The following GALNT1 variants were observed in gnomAD, a reference collection of about 807,000 sequenced individuals.
The protein encoded by GALNT1 is polypeptide N-acetylgalactosaminyltransferase 1.
GALNT1 carries 17 observed loss-of-function variants against 65.7 expected under a neutral mutation model. The ratio of observed to expected loss-of-function variants is 0.26; its 90% confidence interval spans 0.18 to 0.39. GALNT1 has a LOEUF of 0.39. GALNT1 is among the 10% of genes least tolerant of loss of function. GALNT1 has a pLI of 1.00. For missense variants in GALNT1, 460 were observed against 672.8 expected (o/e 0.68, Z 3.50); for synonymous variants, 210 against 219.7 (o/e 0.96, Z 0.39).
intron 1 of GALNT1, among the ~76,000 whole-genome samples, chr18:35,645,632 C>T (rs1012071391): frequency 1.3e-5 from 2 of 152,114 alleles, no homozygotes; most frequent in African/African-American, 2.4e-5. Context: ...CAATAATTAG[C>T]TCTAATGGTT....
intron 1 of GALNT1, among the ~76,000 whole-genome samples, chr18:35,628,086 G>A (rs2046944186): frequency 6.6e-6 from 1 of 152,200 alleles, no homozygotes; most frequent in African/African-American, 2.4e-5. Flanking sequence ...CGAACTGGGT[G>A]GAACCCACCG....
chr18:35,709,417 G>A (rs970300213), intron 11 of GALNT1, among the ~76,000 whole-genome samples: 4 of 148,136 alleles, frequency 2.7e-5, no homozygotes, highest in African/African-American at 5.0e-5. Flanking sequence ...CCTCTTTATC[G>A]ACCTACATAT....
intron 3 of GALNT1, chr18:35,664,316 T>C (rs994426874): frequency 3.3e-5 from 5 of 152,126 alleles, no homozygotes; most frequent in Admixed American, 6.5e-5. Flanking sequence ...TAGTTTTGTC[T>C]CTTTTTGAAC....
chr18:35,597,957 A>G (rs1388157835), intron 1 of GALNT1, among the ~76,000 whole-genome samples: 1 of 147,310 alleles, frequency 6.8e-6, no homozygotes, highest in African/African-American at 2.5e-5. Flanking sequence ...TAGTCACCTG[A>G]CTATACTATT....
intron 2 of GALNT1, among the ~76,000 whole-genome samples, chr18:35,661,539 A>G (rs189266314): frequency 9.0e-4 from 137 of 152,032 alleles, no homozygotes; most frequent in Non-Finnish European, 1.5e-3. Context: ...ACTCTCATGT[A>G]TCCATCATCT....
chr18:35,677,661 TGGA>T lies in GALNT1; in HGVS notation c.387_389del (p.Trp129_Ser130delinsCys). On this transcript the variant is annotated inframe_deletion, in exon 4 of 12. Transcript: ENST00000269195. ...GGTGATTGTTTTCCACAATGAGGCT[TGGA>T]GCACACTTCTGCGAACTGTCCATAG... The T allele has an allele frequency of 6.2e-7, 1 of 1,613,466 alleles. No homozygotes were observed.
chr18:35,686,828 T>A (rs1802660252), intron 5 of GALNT1, among the ~76,000 whole-genome samples, 188 bp from the exon 6 acceptor site: 1 of 152,102 alleles, frequency 6.6e-6, no homozygotes. Context: ...GAAGATCACT[T>A]GAGGAGGTCG....
intron 2 of GALNT1, among the ~76,000 whole-genome samples, chr18:35,662,961 A>G (rs750180790): frequency 1.3e-5 from 2 of 152,192 alleles, no homozygotes; most frequent in South Asian, 2.1e-4. Context: ...AGGTTTGACA[A>G]TCATTATAAT....
At chr18:35,673,451 T>C (rs914173658) in intron 3 of GALNT1, among the ~76,000 whole-genome samples, 4 of 152,272 alleles carry the variant, frequency 2.6e-5, no homozygotes, top group Admixed American at 2.0e-4. Context: ...AGCCTCAGTT[T>C]CCTCATCTGT....
intron 2 of GALNT1, among the ~76,000 whole-genome samples, chr18:35,661,400 G>A (rs1356812364): frequency 6.6e-6 from 1 of 151,888 alleles, no homozygotes; most frequent in Middle Eastern, 3.2e-3. Context: ...TGGAGAGGCT[G>A]AGACAGGACA....
intron 4 of GALNT1, among the ~76,000 whole-genome samples, chr18:35,680,681 A>G (rs1219948348): frequency 2.0e-5 from 3 of 152,170 alleles, no homozygotes; most frequent in African/African-American, 7.2e-5. Flanking sequence ...GAGTAACTCT[A>G]TTTATTAAAG....
chr18:35,701,293 C>G, intron 9 of GALNT1, among the ~76,000 whole-genome samples: 1 of 152,126 alleles, frequency 6.6e-6, no homozygotes. Context: ...GTCTTGAACT[C>G]CTAGGCTCAG....
intron 5 of GALNT1, among the ~76,000 whole-genome samples, chr18:35,684,688 A>G (rs1274954636): frequency 6.6e-6 from 1 of 152,202 alleles, no homozygotes; most frequent in Non-Finnish European, 1.5e-5. Context: ...AGACAAAACA[A>G]ATTTTAAATG....
At chr18:35,685,319 C>T (rs115191291) in intron 5 of GALNT1, among the ~76,000 whole-genome samples, 111 of 152,168 alleles carry the variant, frequency 7.3e-4, no homozygotes, top group African/African-American at 2.4e-3. Flanking sequence ...TAATACATCC[C>T]ATTAATGTAT....
intron 1 of GALNT1, among the ~76,000 whole-genome samples, chr18:35,615,683 A>G (rs1364333890): frequency 1.3e-5 from 2 of 152,244 alleles, no homozygotes; most frequent in African/African-American, 2.4e-5. Flanking sequence ...TCAGTAATGC[A>G]CACACCCATA....
At chr18:35,695,555 G>C (rs1180438585) in intron 9 of GALNT1, among the ~76,000 whole-genome samples, 1 of 152,170 alleles carries the variant, frequency 6.6e-6, no homozygotes, top group East Asian at 1.9e-4. Context: ...CCAGATGGTG[G>C]AGAGTTGGTG....
chr18:35,630,075 G>A (rs963640911), intron 1 of GALNT1, among the ~76,000 whole-genome samples: 3 of 152,138 alleles, frequency 2.0e-5, no homozygotes, highest in African/African-American at 7.2e-5. Context: ...GACCTACAAA[G>A]AGACTTAGAC....
At position 35,709,867 on chromosome 18, in the gene GALNT1, C is replaced by T. The variant is rs577554853; in HGVS notation, c.*97C>T. On this transcript the variant is annotated 3_prime_UTR_variant, in exon 12 of 12. Coordinates refer to ENST00000269195, the MANE Select transcript of GALNT1 (RefSeq NM_020474.4). Reference sequence around the variant, plus strand: ...CTTAAGTAGCAAAAAAGGAAAAGTGCTTTCCTCCTCTGCAGGATGTAAGGT... The same window carrying T: ...CTTAAGTAGCAAAAAAGGAAAAGTGTTTTCCTCCTCTGCAGGATGTAAGGT... 1.2e-5 allele frequency: 16 copies of T among 1,342,144 alleles called. No individual in the cohort carries two copies. The African/African-American group carries it at 2.2e-4, about 18-fold the overall frequency. The allele number at this position is 1,342,144 out of a possible 1,614,324, so 83.1% of individuals were successfully genotyped here. A position where few individuals can be genotyped will look rare whatever the true frequency, so the allele number is the denominator to read the frequency against.
chr18:35,643,197 G>T (rs1396100175), intron 1 of GALNT1, among the ~76,000 whole-genome samples: 2 of 152,084 alleles, frequency 1.3e-5, no homozygotes, highest in African/African-American at 4.8e-5. Flanking sequence ...AATATGTGTG[G>T]CATTTTGTCA....
Sources: allele counts gnomAD v4.1 joint callset (sites outside exome capture counted in the v4.1 genomes callset), GRCh38; gene constraint gnomAD v4.1.1; transcripts MANE v1.5; gene names NCBI Gene and HGNC (gene_info 2026-07-23, HGNC 2026-07-21).